PALM2AKAP2: variants seen among roughly 807,000 people sequenced by gnomAD.
PALM2AKAP2 encodes the protein PALM2-AKAP2 fusion protein.
Under a neutral mutation model 71.5 loss-of-function variants are expected in PALM2AKAP2, and 37 were observed. That is an observed-to-expected ratio of 0.52 (90% confidence interval 0.40 to 0.68). The LOEUF is 0.68. Among genes scored for constraint, PALM2AKAP2 ranks in the 30% least tolerant of loss-of-function variants. The pLI, the probability that PALM2AKAP2 is intolerant of heterozygous loss-of-function variation, is 0.00. For missense variants in PALM2AKAP2, 1,224 were observed against 1,191.8 expected, an observed-to-expected ratio of 1.03 and a Z score of -0.40; for synonymous variants, 468 against 478.8, an observed-to-expected ratio of 0.98 and a Z score of 0.29.
chr9:109,910,543 C>T (rs148062934), intron 3 of PALM2AKAP2, among the ~76,000 whole-genome samples: 2 of 152,162 alleles, frequency 1.3e-5, no homozygotes, highest in Non-Finnish European at 2.9e-5. Flanking sequence ...GAGAACATGG[C>T]GTCATGGTCT....
At chr9:109,986,315 T>C (rs901877557) in intron 6 of PALM2AKAP2, among the ~76,000 whole-genome samples, 1 of 152,218 alleles carries the variant, frequency 6.6e-6, no homozygotes, top group Admixed American at 6.5e-5. Flanking sequence ...TTTCTTGGCC[T>C]TGATTTTCTG....
chr9:109,846,131 GGAA>G (rs1421601188), intron 1 of PALM2AKAP2, among the ~76,000 whole-genome samples: 4 of 152,190 alleles, frequency 2.6e-5, no homozygotes, highest in African/African-American at 9.7e-5. Context: ...GGAGGAAGGA[GGAA>G]GAAGTGGCAG....
chr9:109,807,572 T>C (rs1366169359), intron 1 of PALM2AKAP2, among the ~76,000 whole-genome samples: 3 of 151,844 alleles, frequency 2.0e-5, no homozygotes, highest in Admixed American at 2.0e-4. Context: ...TTTTTTTTTT[T>C]TGTCTGAAAG....
At chr9:109,767,052 G>A (rs577186198) in intron 1 of PALM2AKAP2, among the ~76,000 whole-genome samples, 22 of 152,220 alleles carry the variant, frequency 1.4e-4, no homozygotes, top group African/African-American at 2.9e-4. Flanking sequence ...TCAAAACACC[G>A]ATATGAGTTA....
At chr9:109,919,947 T>C (rs1359002145) in intron 3 of PALM2AKAP2, among the ~76,000 whole-genome samples, 1 of 152,178 alleles carries the variant, frequency 6.6e-6, no homozygotes, top group Non-Finnish European at 1.5e-5. Context: ...TGAGTGGCTC[T>C]AATTTCAGGT....
chr9:109,689,271 C>T (rs1360417042), intron 1 of PALM2AKAP2, among the ~76,000 whole-genome samples: 6 of 149,012 alleles, frequency 4.0e-5, no homozygotes, highest in Admixed American at 2.0e-4. Context: ...GGTGCCATCT[C>T]AGCTCACTGC....
At chr9:109,822,873 G>C (rs1828047570) in intron 1 of PALM2AKAP2, among the ~76,000 whole-genome samples, 1 of 152,080 alleles carries the variant, frequency 6.6e-6, no homozygotes, top group South Asian at 2.1e-4. Flanking sequence ...TATTCCTTTG[G>C]GTAGATACCC....
rs140642875 is a variant in PALM2AKAP2 at position 109,687,637 on chromosome 9, A to C, written c.5+46771A>C. On this transcript the variant is annotated intron_variant, in intron 1 of 6. Transcript: ENST00000374531. Reference sequence around the variant, plus strand: ...AATGTTGTGGCTGGTTTGACCACTAAATCTTTCTTGATATCAGCAATAAGA... The same window carrying C: ...AATGTTGTGGCTGGTTTGACCACTACATCTTTCTTGATATCAGCAATAAGA... Among the ~76,000 whole-genome samples, 180 of 152,252 alleles carry C rather than the reference A, an allele frequency of 1.2e-3. 1 individual carries two copies. Among genetic ancestry groups the C allele is most frequent in the African/African-American group, 4.1e-3 (169 of 41,528 alleles).
At chr9:110,107,317 T>C (rs1835141768) in intron 1 of PALM2AKAP2, among the ~76,000 whole-genome samples, 1 of 152,190 alleles carries the variant, frequency 6.6e-6, no homozygotes, top group Non-Finnish European at 1.5e-5. Flanking sequence ...CTGATCAGTA[T>C]GCATTGTATG....
rs141087873 is a variant in PALM2AKAP2, at chr9:109,687,572, C to G, written c.5+46706C>G. On this transcript the variant is annotated intron_variant, in intron 1 of 6. Transcript: ENST00000374531. Reference sequence around the variant, plus strand: ...TTCTCGGCCTTCATAGAATTGAAGACAGTTAGAGCCTTGATCTGGATTAGG... The same window carrying G: ...TTCTCGGCCTTCATAGAATTGAAGAGAGTTAGAGCCTTGATCTGGATTAGG... Among the ~76,000 whole-genome samples, 180 of 152,316 alleles carry G rather than the reference C, an allele frequency of 1.2e-3. 1 individual carries two copies. The highest frequency in any genetic ancestry group is 4.1e-3 in the African/African-American group (169 of 41,562).
intron 1 of PALM2AKAP2, among the ~76,000 whole-genome samples, chr9:109,758,975 A>G (rs1254699919): frequency 6.6e-6 from 1 of 151,852 alleles, no homozygotes. Context: ...GTTTCAAGCT[A>G]TTTGTATTTT....
At chr9:110,114,567 A>G (rs758316618) in intron 1 of PALM2AKAP2, among the ~76,000 whole-genome samples, 1 of 152,206 alleles carries the variant, frequency 6.6e-6, no homozygotes, top group African/African-American at 2.4e-5. Context: ...TCACACAATC[A>G]GTTTATGATA....
At chr9:109,846,094 G>A (rs1828845226) in intron 1 of PALM2AKAP2, among the ~76,000 whole-genome samples, 1 of 152,100 alleles carries the variant, frequency 6.6e-6, no homozygotes, top group Admixed American at 6.5e-5. Flanking sequence ...CAGGGTGATG[G>A]CTTTTCAGTT....
chr9:109,812,025 A>G (rs948187222), intron 1 of PALM2AKAP2, among the ~76,000 whole-genome samples: 9 of 152,244 alleles, frequency 5.9e-5, no homozygotes, highest in African/African-American at 1.9e-4. Flanking sequence ...GGACTTGAAT[A>G]TGCAGCTGGT....
At chr9:110,125,250 GCTGATTCACATCAATGCTAA>G (rs1452313545) in intron 1 of PALM2AKAP2, among the ~76,000 whole-genome samples, 5 of 152,176 alleles carry the variant, frequency 3.3e-5, no homozygotes, top group Admixed American at 6.5e-5. Flanking sequence ...GACAGTGGTA[GCTGATTCACATCAATGCTAA>G]CTGATTCACC....
At chr9:109,879,110 A>G (rs1000102177) in intron 2 of PALM2AKAP2, among the ~76,000 whole-genome samples, 2 of 152,194 alleles carry the variant, frequency 1.3e-5, no homozygotes, top group African/African-American at 2.4e-5. Context: ...ATGAGAGTCT[A>G]TGGAATTGTG....
intron 3 of PALM2AKAP2, among the ~76,000 whole-genome samples, chr9:109,888,571 G>A (rs372002330): frequency 6.6e-6 from 1 of 152,068 alleles, no homozygotes; most frequent in Non-Finnish European, 1.5e-5. Flanking sequence ...TTAGCCAGGC[G>A]TGGTTGCAGG....
intron 3 of PALM2AKAP2, among the ~76,000 whole-genome samples, chr9:110,166,203 G>A (rs1338368090): frequency 6.6e-6 from 1 of 152,144 alleles, no homozygotes; most frequent in Admixed American, 6.5e-5. Context: ...TTGCCTCATT[G>A]ATTTATCCGT....
chr9:109,713,215 T>G (rs1828267295), intron 1 of PALM2AKAP2, among the ~76,000 whole-genome samples: 1 of 152,202 alleles, frequency 6.6e-6, no homozygotes, highest in Non-Finnish European at 1.5e-5. Context: ...TTCCTTCTTC[T>G]TGGGAGCTCT....
Sources: gnomAD v4.1 joint callset for allele counts (sites outside exome capture counted in the v4.1 genomes callset) on GRCh38, gnomAD v4.1.1 for gene constraint, MANE v1.5 for transcripts, NCBI Gene and HGNC (gene_info 2026-07-23, HGNC 2026-07-21) for gene names.